Variants in TTLL5 observed in about 807,000 individuals in gnomAD.
TTLL5 encodes tubulin tyrosine ligase like 5.
A neutral mutation model predicts 168.4 loss-of-function variants in TTLL5; 132 were observed. The ratio of observed to expected loss-of-function variants is 0.78; its 90% CI spans 0.68 to 0.91. TTLL5 has a LOEUF of 0.91. Ranked by LOEUF, TTLL5 falls within the 40% of genes least tolerant of loss-of-function variation. The probability of loss-of-function intolerance (pLI) is 0.00; values close to 1 mark genes in which losing one functional copy is unlikely to be tolerated. For synonymous variants in TTLL5, 546 were observed against 558.6 expected (o/e 0.98, Z 0.32); for missense variants, 1,545 against 1,581.5 (o/e 0.98, Z 0.39).
intron 31 of TTLL5, among the ~76,000 whole-genome samples, chr14:75,948,276 G>T (rs2034841805): frequency 6.6e-6 from 1 of 152,156 alleles, no homozygotes; most frequent in African/African-American, 2.4e-5. Flanking sequence ...CCTGAGGTCA[G>T]GAGTTCGAGA....
chr14:75,669,493 CA>C lies in TTLL5; in HGVS notation c.155del (p.Lys52ArgfsTer7), dbSNP rs1883546949. ...VLVFHADAIL[T>X]KDNNIRVIGE... Reference sequence around the variant, plus strand: ...GTATTCCATGCCGACGCTATTCTTACAAAGGACAACAATATTAGAGTAATTG... The same window carrying C: ...GTATTCCATGCCGACGCTATTCTTACAAGGACAACAATATTAGAGTAATTG... On this transcript the variant is annotated frameshift_variant, in exon 3 of 32. Coordinates refer to ENST00000298832, the MANE Select transcript of TTLL5 (RefSeq NM_015072.5). LOFTEE classifies it high-confidence loss of function. 6.2e-7 allele frequency: 1 copy of C among 1,613,948 alleles called. No individual in the cohort carries two copies. Among genetic ancestry groups the C allele is most frequent in the Non-Finnish European group, 8.5e-7 (1 of 1,179,938 alleles).
At chr14:75,756,754 T>C (rs979471542) in intron 18 of TTLL5, among the ~76,000 whole-genome samples, 39 of 152,110 alleles carry the variant, frequency 2.6e-4, no homozygotes, top group Non-Finnish European at 1.5e-4. Context: ...GTAATCCACC[T>C]ACCTCGACCT....
Position 75,685,317 on chromosome 14 carries a change from A to G in TTLL5, c.371+1661A>G, listed in dbSNP as rs1412716269. 3.3e-5 allele frequency among the ~76,000 whole-genome samples: 5 copies of G among 149,894 alleles called. No individual in the cohort carries two copies. The Admixed American group carries it at 3.3e-4, about 10-fold the overall frequency. ...CTGAGTTTGGGGTGGTCAGGGCTTC[A>G]GTGAGCTATGATTGTGCCACTGCAC... On this transcript the variant is annotated intron_variant, in intron 5 of 31. Transcript: ENST00000298832.
At chr14:75,690,990 C>T (rs1885420486) in intron 6 of TTLL5, among the ~76,000 whole-genome samples, 1 of 152,124 alleles carries the variant, frequency 6.6e-6, no homozygotes, top group Non-Finnish European at 1.5e-5. Context: ...TTTCGCTTGC[C>T]ATTTAAGAAC....
chr14:75,776,901 T>A lies in TTLL5; in HGVS notation c.2387+51T>A, dbSNP rs376827608. On this transcript the variant is annotated intron_variant, in intron 23 of 31. Transcript: ENST00000298832. ...AGCTGTCTTATTCCATCTTCCATAA[T>A]GCTCATTGAGTACCCAGCATTCCTT... 44 of 1,416,752 alleles carry A rather than the reference T, an allele frequency of 3.1e-5. No individual in the cohort carries two copies. The African/African-American group carries it at 6.0e-4, about 19-fold the overall frequency. The allele number at this position is 1,416,752 out of a possible 1,614,324, so 87.8% of individuals were successfully genotyped here. A position where few individuals can be genotyped will look rare whatever the true frequency, so the allele number is the denominator to read the frequency against.
Position 75,707,302 on chromosome 14 carries a change from G to A in TTLL5, c.655+215G>A, listed in dbSNP as rs1424202765. ...GAGAAAGTGCTTTATAGGTTATATA[G>A]TAGTATATGTATGAAAATTGTGCAG... On this transcript the variant is annotated intron_variant, in intron 8 of 31. Transcript: ENST00000298832. 2.6e-5 allele frequency among the ~76,000 whole-genome samples: 4 copies of A among 152,050 alleles called. No individual in the cohort carries two copies. In the South Asian group the frequency reaches 6.2e-4, roughly 24 times the overall value.
intron 27 of TTLL5, among the ~76,000 whole-genome samples, chr14:75,818,868 G>T (rs981489093): frequency 6.6e-6 from 1 of 152,120 alleles, no homozygotes; most frequent in African/African-American, 2.4e-5. Context: ...TAACAATATT[G>T]TTAGCCATTT....
chr14:75,663,156 A>G lies in TTLL5; in HGVS notation c.7A>G (p.Ile3Val), dbSNP rs1890863294. The change falls in exon 2 of 32, where the codon ATC becomes GTC. Residue 3 changes from isoleucine to valine, a missense_variant. Transcript: ENST00000298832. ...ATGACAAACCCTAAAGGAAATGCCA[A>G]TCGTGATGGCCCGGGACCTGGAGGA... MP[I>V]VMARDLEETA... 1.9e-6 allele frequency: 3 copies of G among 1,613,716 alleles called. No homozygotes were observed. Among genetic ancestry groups the G allele is most frequent in the Non-Finnish European group, 1.7e-6 (2 of 1,179,916 alleles).
At chr14:75,874,047 A>G (rs76487483) in intron 29 of TTLL5, among the ~76,000 whole-genome samples, 1 of 151,888 alleles carries the variant, frequency 6.6e-6, no homozygotes, top group Non-Finnish European at 1.5e-5. Context: ...AATAAAAAGC[A>G]TGATTAATAC....
intron 26 of TTLL5, among the ~76,000 whole-genome samples, chr14:75,792,295 C>G (rs1364496414): frequency 6.6e-6 from 1 of 151,126 alleles, no homozygotes; most frequent in African/African-American, 2.4e-5. Flanking sequence ...ATGGGTGCAG[C>G]ACACCAACAT....
intron 26 of TTLL5, among the ~76,000 whole-genome samples, chr14:75,783,889 GT>G (rs1892209311): frequency 6.6e-6 from 1 of 152,156 alleles, no homozygotes; most frequent in Non-Finnish European, 1.5e-5. Context: ...CATCAGACAA[GT>G]TAGTTTTTAG....
chr14:75,933,376 T>C (rs1052233780), intron 31 of TTLL5, among the ~76,000 whole-genome samples: 3 of 152,174 alleles, frequency 2.0e-5, no homozygotes, highest in African/African-American at 7.2e-5. Flanking sequence ...GGCAGGAGGA[T>C]TGCTTGAACC....
rs5809732 is a variant in TTLL5, at chr14:75,846,792, G to GAA, written c.3327-16856_3327-16855dup. ...GCAACAAGAGTGAAACTCCATCTCA[G>GAA]AAAAAAAAAAAAAAAAAAAAGAATT... is the stretch of plus-strand genomic sequence containing the variant. On this transcript the variant is annotated intron_variant, in intron 28 of 31. Coordinates refer to ENST00000298832, the MANE Select transcript of TTLL5 (RefSeq NM_015072.5). 9.9e-3 allele frequency among the ~76,000 whole-genome samples: 980 copies of GAA among 99,172 alleles called. 25 individuals carry two copies. The highest frequency in any genetic ancestry group is 0.037 in the African/African-American group (928 of 25,386). 65.1% of individuals were successfully genotyped at this position (99,172 alleles called of 152,430 possible). A position where few individuals can be genotyped will look rare whatever the true frequency, so the allele number is the denominator to read the frequency against.
intron 31 of TTLL5, among the ~76,000 whole-genome samples, chr14:75,908,253 G>A (rs564868694): frequency 2.6e-5 from 4 of 152,352 alleles, no homozygotes; most frequent in South Asian, 2.1e-4. Context: ...CCTATGACAC[G>A]ACTGTCACTG....
At chr14:75,692,949 G>A (rs960330507) in intron 6 of TTLL5, among the ~76,000 whole-genome samples, 2 of 152,086 alleles carry the variant, frequency 1.3e-5, no homozygotes, top group Non-Finnish European at 2.9e-5. Flanking sequence ...TATGGAGATG[G>A]GTGTGATTAC....
intron 26 of TTLL5, among the ~76,000 whole-genome samples, chr14:75,791,465 T>C (rs1252570100): frequency 6.6e-6 from 1 of 152,172 alleles, no homozygotes; most frequent in African/African-American, 2.4e-5. Context: ...TAGGATACCA[T>C]TTTTGTAGAT....
At chr14:75,952,600 A>G (rs2034995256) in intron 31 of TTLL5, among the ~76,000 whole-genome samples, 1 of 152,266 alleles carries the variant, frequency 6.6e-6, no homozygotes, top group African/African-American at 2.4e-5. Flanking sequence ...CAAGAGGTAG[A>G]AACAACCCAA....
intron 27 of TTLL5, among the ~76,000 whole-genome samples, chr14:75,809,510 A>C (rs748133727): frequency 2.6e-5 from 4 of 152,214 alleles, no homozygotes; most frequent in Non-Finnish European, 4.4e-5. Context: ...ACAATGTGTT[A>C]TGATCAAGTC....
chr14:75,783,358 A>G lies in TTLL5; in HGVS notation c.2814A>G (p.Thr938=). The G allele has an allele frequency of 1.2e-6, 2 of 1,614,166 alleles. No individual in the cohort carries two copies. The highest frequency in any genetic ancestry group is 1.7e-6 in the Non-Finnish European group (2 of 1,180,028). The change falls in exon 26 of 32, where the codon ACA becomes ACG. Residue 938 remains threonine (T), a synonymous_variant. Coordinates refer to ENST00000298832, the MANE Select transcript of TTLL5 (RefSeq NM_015072.5). Reference sequence around the variant, plus strand: ...ACCAGCCAACAATTTTACTGAACACAGTCTCTGCCAGTGCTTCTCCCTGCC... The same window carrying G: ...ACCAGCCAACAATTTTACTGAACACGGTCTCTGCCAGTGCTTCTCCCTGCC... ...MPHQPTILLN[T]VSASASPCLH...
Sources: allele counts gnomAD v4.1 joint callset (sites outside exome capture counted in the v4.1 genomes callset), GRCh38; gene constraint gnomAD v4.1.1; transcripts MANE v1.5; gene names NCBI Gene and HGNC (gene_info 2026-07-23, HGNC 2026-07-21).